Variants in MARCHF8 observed in about 807,000 individuals in gnomAD.
MARCHF8 encodes the protein membrane associated ring-CH-type finger 8, also known as E3 ubiquitin-protein ligase MARCHF8.
A neutral mutation model predicts 51.6 loss-of-function variants in MARCHF8; 40 were observed. The observed-to-expected ratio is 0.77, with a 90% CI of 0.60 to 1.01. MARCHF8 has a LOEUF of 1.01. Among genes scored for constraint, MARCHF8 ranks in the 50% least tolerant of loss-of-function variants. The pLI is 0.00. For missense variants in MARCHF8, 685 were observed against 708.6 expected (o/e 0.97, Z 0.38); for synonymous variants, 263 against 280.3 (o/e 0.94, Z 0.62).
chr10:45,577,554 G>A (rs1301956849), intron 1 of MARCHF8, among the ~76,000 whole-genome samples: 2 of 151,958 alleles, frequency 1.3e-5, no homozygotes, highest in Non-Finnish European at 2.9e-5. Flanking sequence ...AGGGCTGGAG[G>A]AGCTAGTCAG....
At chr10:45,512,512 G>A (rs1244539987) in intron 2 of MARCHF8, among the ~76,000 whole-genome samples, 8 of 150,694 alleles carry the variant, frequency 5.3e-5, no homozygotes, top group Admixed American at 2.6e-4. Context: ...CGCCCAGTCC[G>A]GGAGGTGAGG....
intron 2 of MARCHF8, among the ~76,000 whole-genome samples, chr10:45,503,259 C>T (rs899430577): frequency 2.0e-5 from 3 of 152,134 alleles, no homozygotes; most frequent in South Asian, 2.1e-4. Flanking sequence ...CAATTATGGC[C>T]GGGCACGGTG....
In MARCHF8 at chr10:45,471,706, C is replaced by T. The variant is rs2042693772; in HGVS notation, c.154-7379G>A. Reference sequence around the variant, plus strand: ...CCCTCTGTGTTCTGGGGCCAGTCCACTGAGCACACTACCGAGCAGGAGTTT... The same window carrying T: ...CCCTCTGTGTTCTGGGGCCAGTCCATTGAGCACACTACCGAGCAGGAGTTT... On this transcript the variant is annotated intron_variant, in intron 3 of 7. Coordinates refer to ENST00000453424, the MANE Select transcript of MARCHF8 (RefSeq NM_001282866.2). Among the ~76,000 whole-genome samples the T allele has an allele frequency of 3.9e-5, 6 of 152,248 alleles. 1 individual carries two copies. In the South Asian group the frequency reaches 1.2e-3, roughly 31 times the overall value.
intron 2 of MARCHF8, among the ~76,000 whole-genome samples, chr10:45,522,072 C>T (rs924859435): frequency 3.9e-5 from 6 of 152,146 alleles, no homozygotes; most frequent in Admixed American, 3.9e-4. Context: ...TAATCTAAGA[C>T]AGTCCTCCCA....
chr10:45,465,413 C>G lies in MARCHF8; in HGVS notation c.154-1086G>C, dbSNP rs78829066. 3.8e-3 allele frequency among the ~76,000 whole-genome samples: 575 copies of G among 152,288 alleles called. 12 individuals carry two copies. The East Asian group carries it at 0.052, about 14-fold the overall frequency. ...CCTAACTCCTTGATACAAAGGAGCT[C>G]CACCCTGGCCCACCATTCCCTGGCT... On this transcript the variant is annotated intron_variant, in intron 3 of 7. Coordinates refer to ENST00000453424, the MANE Select transcript of MARCHF8 (RefSeq NM_001282866.2).
chr10:45,571,445 T>C (rs893827953), intron 1 of MARCHF8, among the ~76,000 whole-genome samples: 3 of 151,762 alleles, frequency 2.0e-5, no homozygotes, highest in Non-Finnish European at 2.9e-5. Context: ...TCCTATAAAA[T>C]GGCCCCACCC....
At chr10:45,465,585 A>C (rs1842941122) in intron 3 of MARCHF8, among the ~76,000 whole-genome samples, 1 of 152,210 alleles carries the variant, frequency 6.6e-6, no homozygotes, top group Non-Finnish European at 1.5e-5. Flanking sequence ...TACCCCTCAC[A>C]GCAAATGAAG....
At position 45,553,828 on chromosome 10, in the gene MARCHF8, G is replaced by A. The variant is rs2044222485; in HGVS notation, c.-78-20539C>T. ...AACTATACGTGTGTGCACATGCATG[G>A]ACATGCACACACACACACACACACT... On this transcript the variant is annotated intron_variant, in intron 1 of 6. Transcript: ENST00000319836. Among the ~76,000 whole-genome samples the A allele has an allele frequency of 2.4e-5, 3 of 124,768 alleles. No homozygotes were observed. The South Asian group carries it at 8.0e-4, about 33-fold the overall frequency. The allele number at this position is 124,768 out of a possible 152,430, so 81.9% of individuals were successfully genotyped here.
At chr10:45,504,687 G>C (rs1236214639) in intron 2 of MARCHF8, among the ~76,000 whole-genome samples, 2 of 152,146 alleles carry the variant, frequency 1.3e-5, no homozygotes, top group Admixed American at 1.3e-4. Context: ...TAAACATGGT[G>C]AATAAATATA....
intron 1 of MARCHF8, among the ~76,000 whole-genome samples, chr10:45,552,806 T>C (rs1564514090): frequency 6.6e-6 from 1 of 152,332 alleles, no homozygotes; most frequent in East Asian, 1.9e-4. Context: ...ACCAGTTGAA[T>C]TGTGCACATT....
At chr10:45,551,695 A>G (rs2044196399) in intron 1 of MARCHF8, among the ~76,000 whole-genome samples, 1 of 151,610 alleles carries the variant, frequency 6.6e-6, no homozygotes, top group African/African-American at 2.4e-5. Context: ...TCCAGAATCA[A>G]CTCTTCCCTG....
chr10:45,528,847 C>A (rs139876889), intron 2 of MARCHF8, among the ~76,000 whole-genome samples: 34 of 152,300 alleles, frequency 2.2e-4, no homozygotes, highest in African/African-American at 8.2e-4. Context: ...ACATATGACA[C>A]AAACATGATC....
chr10:45,489,734 C>T (rs1171936971), intron 2 of MARCHF8, among the ~76,000 whole-genome samples: 1 of 152,118 alleles, frequency 6.6e-6, no homozygotes, highest in African/African-American at 2.4e-5. Context: ...TCACATTTCA[C>T]GTGAAAGTTC....
chr10:45,557,240 T>C (rs1299693703), intron 1 of MARCHF8, among the ~76,000 whole-genome samples: 1 of 151,004 alleles, frequency 6.6e-6, no homozygotes, highest in Non-Finnish European at 1.5e-5. Flanking sequence ...CGATTCTCCT[T>C]GCTTCAGCCT....
chr10:45,515,246 T>A (rs1236408895), intron 2 of MARCHF8, among the ~76,000 whole-genome samples: 2 of 152,224 alleles, frequency 1.3e-5, no homozygotes, highest in Non-Finnish European at 1.5e-5. Flanking sequence ...AATAATGGTA[T>A]CATCTCAACT....
intron 2 of MARCHF8, among the ~76,000 whole-genome samples, chr10:45,526,577 G>A (rs945825544): frequency 1.3e-5 from 2 of 152,132 alleles, no homozygotes; most frequent in Non-Finnish European, 2.9e-5. Context: ...CACAACCACT[G>A]TGCTTCTTGT....
intron 1 of MARCHF8, among the ~76,000 whole-genome samples, chr10:45,552,237 A>T (rs1250177984): frequency 6.6e-6 from 1 of 152,192 alleles, no homozygotes; most frequent in Admixed American, 6.5e-5. Flanking sequence ...CCCATGGTGA[A>T]ATCCCAAAGG....
chr10:45,564,820 A>G (rs990852960), intron 1 of MARCHF8, among the ~76,000 whole-genome samples: 6 of 152,110 alleles, frequency 3.9e-5, no homozygotes, highest in African/African-American at 1.4e-4. Flanking sequence ...GAAGCCAGGA[A>G]GTAATGCAAC....
Position 45,464,281 on chromosome 10 carries a change from AAGG to A in MARCHF8, c.197_199del (p.Ser66del), listed in dbSNP as rs779662835. On this transcript the variant is annotated inframe_deletion, in exon 4 of 8. Coordinates refer to ENST00000453424, the MANE Select transcript of MARCHF8 (RefSeq NM_001282866.2). ...GGATGGCGTGATAGAAGTGCGAGAG[AAGG>A]AGGACACCGGAGCCGGAGCTGATGC... The A allele has an allele frequency of 5.6e-6, 9 of 1,614,042 alleles. No individual in the cohort carries two copies. Among genetic ancestry groups the A allele is most frequent in the Non-Finnish European group, 6.8e-6 (8 of 1,180,038 alleles).
Sources: gnomAD v4.1 joint callset for allele counts (sites outside exome capture counted in the v4.1 genomes callset) on GRCh38, gnomAD v4.1.1 for gene constraint, MANE v1.5 for transcripts, NCBI Gene and HGNC (gene_info 2026-07-23, HGNC 2026-07-21) for gene names.